PWWP2A: variants seen among roughly 807,000 people sequenced by gnomAD.
The protein encoded by PWWP2A is PWWP domain containing 2A, also known as PWWP domain-containing protein 2A.
A neutral mutation model predicts 48.5 loss-of-function variants in PWWP2A; 18 were observed. That is an observed-to-expected ratio of 0.37 (90% CI 0.26 to 0.55). PWWP2A has a LOEUF of 0.55. PWWP2A is among the 20% of genes least tolerant of loss of function. The pLI is 0.81. For missense variants in PWWP2A, 867 were observed against 976.4 expected (o/e 0.89, Z 1.49); for synonymous variants, 396 against 387.7 (o/e 1.02, Z -0.25).
downstream of PWWP2A, among the ~76,000 whole-genome samples, chr5:160,089,280 C>T (rs1754882044): frequency 6.6e-6 from 1 of 152,210 alleles, no homozygotes; most frequent in Non-Finnish European, 1.5e-5. Context: ...CAGCCTCCAA[C>T]TCCTGACCTC....
At chr5:160,062,163 G>T (rs996160938) in intron 5 of PWWP2A, 46 of 152,248 alleles carry the variant, frequency 3.0e-4, no homozygotes, top group Non-Finnish European at 1.5e-5. Context: ...GTTCAAAGGT[G>T]GCTTGTGGCA....
chr5:160,052,942 C>G, the PWWP2A span, among the ~76,000 whole-genome samples: 1 of 152,192 alleles, frequency 6.6e-6, no homozygotes, highest in Non-Finnish European at 1.5e-5. Flanking sequence ...TGTGTTGTTA[C>G]ACATGTGTAG....
At chr5:160,101,913 C>T (rs147906602) in intron 1 of PWWP2A, among the ~76,000 whole-genome samples, 5,957 of 151,848 alleles carry the variant, frequency 0.039, 138 homozygotes, top group East Asian at 0.1. Context: ...AGTTCGAGAC[C>T]AGCCTGGCCA....
intron 1 of PWWP2A, among the ~76,000 whole-genome samples, chr5:160,103,656 G>T (rs1445714153): frequency 6.6e-6 from 1 of 152,108 alleles, no homozygotes; most frequent in Non-Finnish European, 1.5e-5. Flanking sequence ...GTGGTAAATG[G>T]TGAAGACTAG....
At chr5:160,084,682 C>T (rs1272201894) in intron 2 of PWWP2A, among the ~76,000 whole-genome samples, 2 of 152,086 alleles carry the variant, frequency 1.3e-5, no homozygotes, top group Non-Finnish European at 2.9e-5. Flanking sequence ...GCTCCTGCCT[C>T]GGTCTCCCAA....
chr5:160,106,895 G>A (rs1295968128), intron 1 of PWWP2A, among the ~76,000 whole-genome samples: 1 of 142,732 alleles, frequency 7.0e-6, no homozygotes, highest in Non-Finnish European at 1.5e-5. Context: ...GGAGATCTCA[G>A]CTCACGCAAC....
chr5:160,062,141 A>G (rs1422959864), intron 5 of PWWP2A: 1 of 152,262 alleles, frequency 6.6e-6, no homozygotes, highest in Admixed American at 6.5e-5. Flanking sequence ...CATAGAATCA[A>G]CCAAGCTAAA....
intron 1 of PWWP2A, among the ~76,000 whole-genome samples, chr5:160,101,273 C>T (rs79867875): frequency 0.039 from 5,970 of 152,196 alleles, 139 homozygotes; most frequent in East Asian, 0.1. Flanking sequence ...TTGTGTGAAC[C>T]CAGGAGGCAG....
chr5:160,049,429 G>T, the PWWP2A span: 2 of 1,245,174 alleles, frequency 1.6e-6, no homozygotes, highest in African/African-American at 3.1e-5. Context: ...ATCCTTGGAG[G>T]ATGATTGATG....
At chr5:160,113,854 C>A (rs979797913) in intron 1 of PWWP2A, among the ~76,000 whole-genome samples, 6 of 152,190 alleles carry the variant, frequency 3.9e-5, no homozygotes, top group African/African-American at 1.4e-4. Flanking sequence ...TAAAACTTAG[C>A]CCAACTAGCT....
chr5:160,074,423 A>G (rs1036665321), downstream of PWWP2A, among the ~76,000 whole-genome samples: 4 of 151,714 alleles, frequency 2.6e-5, no homozygotes, highest in African/African-American at 9.7e-5. Flanking sequence ...GGGCAACAAG[A>G]GCGAAAATCT....
chr5:160,070,388 A>T (rs1022044889), intron 2 of PWWP2A, among the ~76,000 whole-genome samples: 4 of 152,106 alleles, frequency 2.6e-5, no homozygotes, highest in South Asian at 2.1e-4. Flanking sequence ...CAGGAGGATC[A>T]CTTGAGCCCA....
downstream of PWWP2A, among the ~76,000 whole-genome samples, chr5:160,088,972 C>T (rs1347866157): frequency 6.6e-6 from 1 of 152,192 alleles, no homozygotes; most frequent in Non-Finnish European, 1.5e-5. Context: ...GATACTCAGG[C>T]TCACTAGTGA....
chr5:160,093,119 T>A lies in PWWP2A; in HGVS notation c.1531A>T (p.Thr511Ser). 1 of 1,613,892 alleles carries A rather than the reference T, an allele frequency of 6.2e-7. No homozygotes were observed. The highest frequency in any genetic ancestry group is 8.5e-7 in the Non-Finnish European group (1 of 1,179,866). ...KMAPKPQSRCTSTRSAGEAPS... is the reference protein window; with the variant it reads ...KMAPKPQSRCSSTRSAGEAPS... ...GCCTCACCTGCTGAGCGGGTAGAGG[T>A]GCAGCGAGACTGGGGCTTGGGTGCC... Residue 511 changes from threonine to serine, a missense_variant, in exon 2 of 2, where the codon ACC becomes TCC. Around this residue, in one of 4 missense-constraint regions of PWWP2A, gnomAD observed 382 missense variants for 407.2 expected, o/e 0.94. Transcript: ENST00000307063. The surrounding 1 kb of genome is among the most constrained non-coding windows in gnomAD (Gnocchi z 5.8).
At chr5:160,080,841 A>G in intron 2 of PWWP2A, 1 of 1,395,150 alleles carries the variant, frequency 7.2e-7, no homozygotes, top group Admixed American at 2.7e-5. Flanking sequence ...TTTACCAAAA[A>G]AATAGTTTTA....
chr5:160,111,405 T>C (rs1220560280), intron 1 of PWWP2A, among the ~76,000 whole-genome samples: 2 of 152,022 alleles, frequency 1.3e-5, no homozygotes, highest in African/African-American at 2.4e-5. Flanking sequence ...TGACGTCAGG[T>C]GATCTGCCCA....
intron 1 of PWWP2A, among the ~76,000 whole-genome samples, chr5:160,103,571 T>A (rs1048225766): frequency 4.6e-5 from 7 of 152,004 alleles, no homozygotes; most frequent in African/African-American, 1.7e-4. Context: ...CGTGGATTAG[T>A]GATCAGGAAA....
chr5:160,111,991 G>A (rs1173724903), intron 1 of PWWP2A, among the ~76,000 whole-genome samples: 8 of 152,016 alleles, frequency 5.3e-5, no homozygotes, highest in South Asian at 2.1e-4. Context: ...GCCAGGCATG[G>A]TGGCATGCAC....
chr5:160,062,052 A>C (rs536829415), exon 6 of PWWP2A: 6 of 152,294 alleles, frequency 3.9e-5, no homozygotes, highest in African/African-American at 1.4e-4. Context: ...TGGCCTCTGC[A>C]TGAATGTGCT....
Sources: gnomAD v4.1 joint callset for allele counts (sites outside exome capture counted in the v4.1 genomes callset) on GRCh38, gnomAD v4.1.1 for gene constraint, gnomAD v4.1.1 regional missense constraint, Gnocchi (gnomAD v3.1) non-coding constraint, MANE v1.5 for transcripts, NCBI Gene and HGNC (gene_info 2026-07-23, HGNC 2026-07-21) for gene names.